XDH: variants seen among roughly 807,000 people sequenced by gnomAD.
The protein encoded by XDH is xanthine dehydrogenase/oxidase.
Under a neutral mutation model 156.1 loss-of-function variants are expected in XDH, and 138 were observed. The ratio of observed to expected loss-of-function variants is 0.88; its 90% CI spans 0.77 to 1.02. XDH has a LOEUF of 1.02. Among genes scored for constraint, XDH ranks in the 50% least tolerant of loss-of-function variants. The pLI is 0.00. For synonymous variants in XDH, 669 were observed against 625.7 expected, an observed-to-expected ratio of 1.07 and a Z score of -1.03; for missense variants, 1,849 against 1,684.9, an observed-to-expected ratio of 1.10 and a Z score of -1.71.
At position 31,337,922 on chromosome 2, in the gene XDH, C is replaced by T. The variant is rs543808766; in HGVS notation, c.3775-105G>A. 1,384 of 1,285,168 alleles carry T rather than the reference C, an allele frequency of 1.1e-3. 21 individuals carry two copies. In the South Asian group the frequency reaches 0.019, roughly 17 times the overall value. The allele number at this position is 1,285,168 out of a possible 1,614,324, so 79.6% of individuals were successfully genotyped here. A position where few individuals can be genotyped will look rare whatever the true frequency, so the allele number is the denominator to read the frequency against. On this transcript the variant is annotated intron_variant, in intron 34 of 35. Transcript: ENST00000379416. ...GGCAGCAAACTCTGCACGAGGAGGG[C>T]TGGTGGCACCAGGAAAGCACTGATG...
At position 31,411,999 on chromosome 2, in the gene XDH, C is replaced by A. The variant is rs45486298; in HGVS notation, c.42+2626G>T. Among the ~76,000 whole-genome samples the A allele has an allele frequency of 7.7e-3, 1,165 of 152,016 alleles. 13 individuals are homozygous for A. The highest frequency in any genetic ancestry group is 0.011 in the Non-Finnish European group (762 of 67,958). On this transcript the variant is annotated intron_variant, in intron 1 of 35. Transcript: ENST00000379416. ...AGTGAGTGAGTGAAAGTCACCGTGA[C>A]GATCTCTGTAGCTGACACTCACTTC...
At chr2:31,373,179 G>C (rs1260850758) in intron 16 of XDH, among the ~76,000 whole-genome samples, 1 of 152,164 alleles carries the variant, frequency 6.6e-6, no homozygotes, top group Non-Finnish European at 1.5e-5. Context: ...GCACACAAGG[G>C]AATAAGTAAG....
intron 18 of XDH, 37 bp from the exon 19 acceptor site, chr2:31,368,697 G>A (rs753335772): frequency 1.2e-6 from 2 of 1,614,172 alleles, no homozygotes; most frequent in South Asian, 2.2e-5. Flanking sequence ...AACGCAACCA[G>A]GCTCATGGTG....
intron 10 of XDH, 24 bp from the exon 11 acceptor site, chr2:31,383,176 C>T (rs1686486694): frequency 2.5e-6 from 4 of 1,614,040 alleles, no homozygotes; most frequent in African/African-American, 1.3e-5. Context: ...TTCGGAATCA[C>T]AGCAATTCTT....
chr2:31,338,763 G>T (rs970105514), intron 34 of XDH, among the ~76,000 whole-genome samples: 2 of 111,602 alleles, frequency 1.8e-5, no homozygotes, highest in Admixed American at 1.4e-4. Context: ...TCGCTCTGTC[G>T]CCCAGGCTGG....
chr2:31,343,430 TTTG>T lies in XDH; in HGVS notation c.3405-1136_3405-1134del, dbSNP rs199694787. Among the ~76,000 whole-genome samples the T allele has an allele frequency of 1.5e-3, 214 of 144,696 alleles. 4 individuals carry two copies. The East Asian group carries it at 0.04, about 27-fold the overall frequency. 94.9% of individuals were successfully genotyped at this position (144,696 alleles called of 152,430 possible). A position where few individuals can be genotyped will look rare whatever the true frequency, so the allele number is the denominator to read the frequency against. On this transcript the variant is annotated intron_variant, in intron 31 of 35. Transcript: ENST00000379416. ...TTCATATATGGCATAGAAATGTTTT[TTTG>T]TGTATATATGTTTATACATATATGC...
At position 31,405,884 on chromosome 2, in the gene XDH, C is replaced by T. The variant is rs759049064; in HGVS notation, c.100+23G>A. 3.1e-6 allele frequency: 5 copies of T among 1,614,004 alleles called. No homozygotes were observed. The Admixed American group carries it at 6.7e-5, about 22-fold the overall frequency. The stretch of plus-strand genomic sequence containing the variant: ...TCACCATTGCCCCCCTTCTCCGTCA[C>T]TCCCACTCCAAAGTCAGGATACACT... On this transcript the variant is annotated intron_variant, in intron 2 of 35. Coordinates refer to ENST00000379416, the MANE Select transcript of XDH (RefSeq NM_000379.4).
chr2:31,379,910 G>A lies in XDH; in HGVS notation c.1199C>T (p.Pro400Leu), dbSNP rs140879910. 1.7e-5 allele frequency: 27 copies of A among 1,614,128 alleles called. No homozygotes were observed. Among genetic ancestry groups the A allele is most frequent in the Admixed American group, 1.5e-4 (9 of 60,020 alleles). The change falls in exon 13 of 36, where the codon CCG becomes CTG. Residue 400 changes from proline to leucine, a missense_variant. Coordinates refer to ENST00000379416, the MANE Select transcript of XDH (RefSeq NM_000379.4). ...FPGYRKTLLS[P>L]EEILLSIEIP... ...CTCTATGGAGAGCAGTATCTCCTCCGGGCTCAGCAGGGTCTTTCTGTAGCC... is the reference window on the plus strand; with the variant it reads ...CTCTATGGAGAGCAGTATCTCCTCCAGGCTCAGCAGGGTCTTTCTGTAGCC...
At chr2:31,397,272 G>A (rs1483644270) in intron 6 of XDH, among the ~76,000 whole-genome samples, 1 of 152,292 alleles carries the variant, frequency 6.6e-6, no homozygotes, top group African/African-American at 2.4e-5. Flanking sequence ...AGGGAAGGAG[G>A]AGGGGTGCAA....
At chr2:31,345,685 G>C (rs1204028014) in intron 30 of XDH, among the ~76,000 whole-genome samples, 1 of 151,682 alleles carries the variant, frequency 6.6e-6, no homozygotes, top group Non-Finnish European at 1.5e-5. Context: ...GCGTGTGCAT[G>C]TGTGTGTGTG....
At chr2:31,384,430 G>C (rs1242064005) in intron 9 of XDH, 2 of 155,452 alleles carry the variant, frequency 1.3e-5, no homozygotes, top group Non-Finnish European at 2.9e-5. Flanking sequence ...AAAGGAAAAT[G>C]GGAGGGAAAA....
Position 31,365,459 on chromosome 2 carries a change from T to C in XDH, c.2542A>G (p.Lys848Glu). The stretch of plus-strand genomic sequence containing the variant: ...AGCACAGCCCCAACATCTAGAACCT[T>C]GTATCTGGCCAGGAAGGGATGTCTG... ...GGRHPFLARY[K>E]VGFMKTGTVV... is the part of the protein sequence containing the mutation. Residue 848 changes from lysine to glutamate, a missense_variant and splice_region_variant, in exon 23 of 36, where the codon AAG (lysine) becomes GAG (glutamate). Physicochemically the swap from Lys to Glu is moderately conservative, Grantham distance 56. Coordinates refer to ENST00000379416, the MANE Select transcript of XDH (RefSeq NM_000379.4). The C allele has an allele frequency of 6.2e-7, 1 of 1,614,118 alleles. No individual in the cohort carries two copies. The highest frequency in any genetic ancestry group is 8.5e-7 in the Non-Finnish European group (1 of 1,180,002).
At position 31,379,955 on chromosome 2, in the gene XDH, A is replaced by G; in HGVS notation, c.1154T>C (p.Met385Thr). 1 of 1,614,056 alleles carries G rather than the reference A, an allele frequency of 6.2e-7. No individual in the cohort carries two copies. The highest frequency in any genetic ancestry group is 8.5e-7 in the Non-Finnish European group (1 of 1,180,024). The change falls in exon 13 of 36, where the codon ATG becomes ACG. Residue 385 changes from methionine (M) to threonine (T), a missense_variant. Met to Thr is a moderately conservative substitution (Grantham distance 81). Transcript: ENST00000379416. ...VSRGTRRTVQ[M>T]DHTFFPGYRK... ...GTAGCCAGGGAAGAAGGTGTGGTCC[A>G]TCTGGACAGTTCTCCTGGTGCCTGT...
At chr2:31,357,099 G>C (rs527257518) in intron 24 of XDH, among the ~76,000 whole-genome samples, 1 of 152,254 alleles carries the variant, frequency 6.6e-6, no homozygotes, top group South Asian at 2.1e-4. Context: ...AAGTAGTGCT[G>C]AGGGGAAACT....
In XDH at chr2:31,335,661, A is replaced by C; in HGVS notation, c.*297T>G. 2.0e-6 allele frequency: 1 copy of C among 493,074 alleles called. No individual in the cohort carries two copies. Among genetic ancestry groups the C allele is most frequent in the African/African-American group, 1.9e-5 (1 of 51,582 alleles). The allele number at this position is 493,074 out of a possible 1,614,324, so 30.5% of individuals were successfully genotyped here. On this transcript the variant is annotated 3_prime_UTR_variant, in exon 36 of 36. Transcript: ENST00000379416. ...ATACAGGCTGTCCAGTAAGTGGGGAATAGCACAAACCCTTCCCGACCCTAT... is the reference window on the plus strand; with the variant it reads ...ATACAGGCTGTCCAGTAAGTGGGGACTAGCACAAACCCTTCCCGACCCTAT...
chr2:31,408,892 C>T (rs562360367), intron 1 of XDH, among the ~76,000 whole-genome samples: 3 of 152,244 alleles, frequency 2.0e-5, no homozygotes, highest in East Asian at 3.9e-4. Flanking sequence ...CCTAAGCGTC[C>T]GTGAACAGAT....
chr2:31,363,496 C>G (rs45582633), intron 24 of XDH, among the ~76,000 whole-genome samples: 2,082 of 152,258 alleles, frequency 0.014, 35 homozygotes, highest in African/African-American at 0.048. Flanking sequence ...TGATGCAAGA[C>G]ATCATTCTGG....
intron 34 of XDH, 61 bp from the exon 35 acceptor site, chr2:31,337,878 A>T: frequency 1.3e-6 from 2 of 1,579,786 alleles, no homozygotes; most frequent in Non-Finnish European, 1.7e-6. Flanking sequence ...CCACATCATC[A>T]AGTGGACCTA....
chr2:31,347,221 T>C (rs45603333), intron 29 of XDH, among the ~76,000 whole-genome samples: 2,245 of 152,318 alleles, frequency 0.015, 57 homozygotes, highest in African/African-American at 0.051. Flanking sequence ...CTTCAGCCCA[T>C]TGTCCTATTG....
Sources: gnomAD v4.1 joint callset for allele counts (sites outside exome capture counted in the v4.1 genomes callset) on GRCh38, gnomAD v4.1.1 for gene constraint, MANE v1.5 for transcripts, NCBI Gene and HGNC (gene_info 2026-07-23, HGNC 2026-07-21) for gene names.